Variants in GALNT13 observed in about 807,000 individuals in gnomAD.
GALNT13 encodes UDP-GalNAc:polypeptide N-acetylgalactosaminyltransferase 13.
A neutral mutation model predicts 64.2 loss-of-function variants in GALNT13; 28 were observed. That is an observed-to-expected ratio of 0.44 (90% CI 0.32 to 0.60). The LOEUF (loss-of-function observed/expected upper bound fraction) is 0.60. Ranked by LOEUF, GALNT13 falls within the 20% of genes least tolerant of loss-of-function variation. GALNT13 has a pLI of 0.05. For synonymous variants in GALNT13, 214 were observed against 224.6 expected, an observed-to-expected ratio of 0.95 and a Z score of 0.42; for missense variants, 577 against 669.8, an observed-to-expected ratio of 0.86 and a Z score of 1.53.
the GALNT13 span, among the ~76,000 whole-genome samples, chr2:153,850,401 A>C: frequency 0.99 from 151,416 of 152,262 alleles, 75,294 homozygotes; most frequent in East Asian, 1. Context: ...AGGCAACTCT[A>C]AAAAAGATCA....
the GALNT13 span, among the ~76,000 whole-genome samples, chr2:153,743,061 G>A: frequency 4.2e-5 from 4 of 94,710 alleles, no homozygotes; most frequent in Admixed American, 1.1e-4. Flanking sequence ...GAGGGGAAAG[G>A]AGAGGGAGGA....
At chr2:154,124,336 G>T (rs1003272867) in intron 3 of GALNT13, among the ~76,000 whole-genome samples, 11 of 151,988 alleles carry the variant, frequency 7.2e-5, no homozygotes, top group African/African-American at 2.7e-4. Context: ...AATGGATTCA[G>T]AATTTGAATC....
At chr2:153,913,572 A>G (rs1005572628) in intron 2 of GALNT13, among the ~76,000 whole-genome samples, 1 of 152,126 alleles carries the variant, frequency 6.6e-6, no homozygotes. Context: ...TTCTGGCTCT[A>G]ACACTTTTCT....
chr2:154,004,012 A>C (rs1284302840), intron 3 of GALNT13, among the ~76,000 whole-genome samples: 2 of 152,186 alleles, frequency 1.3e-5, no homozygotes, highest in East Asian at 1.9e-4. Flanking sequence ...GCAATGAAAA[A>C]ACAGACTAAT....
the GALNT13 span, among the ~76,000 whole-genome samples, chr2:153,289,211 G>A: frequency 3.9e-5 from 6 of 152,092 alleles, no homozygotes; most frequent in African/African-American, 1.4e-4. Context: ...ATTCACAATG[G>A]TGGGTTTTAT....
intron 4 of GALNT13, among the ~76,000 whole-genome samples, chr2:154,211,320 T>C (rs1205544742): frequency 6.6e-6 from 1 of 151,834 alleles, no homozygotes; most frequent in Non-Finnish European, 1.5e-5. Context: ...TCTAAACATA[T>C]CTACACATAG....
the GALNT13 span, among the ~76,000 whole-genome samples, chr2:153,838,153 A>C: frequency 1.1e-4 from 16 of 152,018 alleles, no homozygotes; most frequent in African/African-American, 3.9e-4. Context: ...AATGTTAAAC[A>C]CTGTCAGATA....
intron 3 of GALNT13, among the ~76,000 whole-genome samples, chr2:154,018,726 G>C (rs1033940979): frequency 3.3e-5 from 5 of 151,440 alleles, no homozygotes; most frequent in Non-Finnish European, 7.4e-5. Flanking sequence ...ATGAGGCAGA[G>C]AGAATGATGA....
At chr2:153,664,536 C>A in the GALNT13 span, among the ~76,000 whole-genome samples, 1 of 152,000 alleles carries the variant, frequency 6.6e-6, no homozygotes, top group Non-Finnish European at 1.5e-5. Flanking sequence ...CAACATACAT[C>A]CTCAGCTTAT....
intron 4 of GALNT13, among the ~76,000 whole-genome samples, chr2:154,200,934 A>G (rs1034103140): frequency 3.3e-5 from 5 of 152,146 alleles, no homozygotes; most frequent in African/African-American, 9.7e-5. Context: ...TGTATATCTT[A>G]TATAATTTTG....
At chr2:154,050,529 A>G (rs1311958471) in intron 3 of GALNT13, among the ~76,000 whole-genome samples, 1 of 152,196 alleles carries the variant, frequency 6.6e-6, no homozygotes, top group Non-Finnish European at 1.5e-5. Flanking sequence ...GAGAATGATT[A>G]AATACCACTC....
chr2:153,651,935 T>G, the GALNT13 span, among the ~76,000 whole-genome samples: 4 of 152,174 alleles, frequency 2.6e-5, no homozygotes, highest in Non-Finnish European at 5.9e-5. Flanking sequence ...CATAAATTTT[T>G]CAGCACCAGT....
intron 11 of GALNT13, chr2:154,437,625 G>GA: frequency 1.2e-6 from 1 of 818,220 alleles, no homozygotes; most frequent in Non-Finnish European, 1.8e-6. Context: ...GGGAGGCCGA[G>GA]GCAGGTGGAT....
chr2:153,953,880 G>GA (rs1692381222), intron 3 of GALNT13, among the ~76,000 whole-genome samples: 2 of 152,056 alleles, frequency 1.3e-5, no homozygotes, highest in African/African-American at 2.4e-5. Context: ...TGGAATTGCT[G>GA]ACCAATGACT....
chr2:153,351,004 T>C, the GALNT13 span, among the ~76,000 whole-genome samples: 1 of 152,146 alleles, frequency 6.6e-6, no homozygotes, highest in Non-Finnish European at 1.5e-5. Flanking sequence ...AAAATAAATA[T>C]TTCTGATGAT....
chr2:154,414,201 A>G (rs368501355), intron 11 of GALNT13, among the ~76,000 whole-genome samples: 3 of 152,078 alleles, frequency 2.0e-5, no homozygotes, highest in South Asian at 4.2e-4. Context: ...ATACTAACAA[A>G]TTGTTCTTTT....
the GALNT13 span, among the ~76,000 whole-genome samples, chr2:153,218,481 G>C: frequency 6.6e-6 from 1 of 152,278 alleles, no homozygotes; most frequent in South Asian, 2.1e-4. Flanking sequence ...AAGAGCCACA[G>C]TATTTGTCCT....
the GALNT13 span, among the ~76,000 whole-genome samples, chr2:153,345,719 G>GTCTT: frequency 0.068 from 5,414 of 80,112 alleles, 730 homozygotes; most frequent in African/African-American, 0.11. Flanking sequence ...CTCTCTTTCT[G>GTCTT]TCCTTCCTTC....
the GALNT13 span, among the ~76,000 whole-genome samples, chr2:153,739,904 AT>A: frequency 6.6e-6 from 1 of 151,724 alleles, no homozygotes; most frequent in African/African-American, 2.4e-5. Flanking sequence ...GAGTTATGTC[AT>A]TTTTCCTTTA....
Sources: allele counts gnomAD v4.1 joint callset (sites outside exome capture counted in the v4.1 genomes callset), GRCh38; gene constraint gnomAD v4.1.1; transcripts MANE v1.5; gene names NCBI Gene and HGNC (gene_info 2026-07-23, HGNC 2026-07-21).